The following FAM117A variants were observed in gnomAD, a reference collection of about 807,000 sequenced individuals.
The protein encoded by FAM117A is family with sequence similarity 117 member A, also known as protein FAM117A.
Under a neutral mutation model 44.1 loss-of-function variants are expected in FAM117A, and 21 were observed. That is an observed-to-expected ratio of 0.48 (90% CI 0.34 to 0.69). The LOEUF (loss-of-function observed/expected upper bound fraction) is 0.69, where lower values mean the gene tolerates loss of function less well. Ranked by LOEUF, FAM117A falls within the 30% of genes least tolerant of loss-of-function variation. FAM117A has a pLI of 0.01. For missense variants in FAM117A, 498 were observed against 589.9 expected, an observed-to-expected ratio of 0.84 and a Z score of 1.61; for synonymous variants, 220 against 238.3, an observed-to-expected ratio of 0.92 and a Z score of 0.71.
chr17:49,724,265 G>A (rs1386771564), intron 2 of FAM117A: 4 of 442,588 alleles, frequency 9.0e-6, no homozygotes, highest in African/African-American at 4.0e-5. Flanking sequence ...TCTGCTAATC[G>A]AAGCTGGGCC....
exon 1 of FAM117A, chr17:49,788,539 C>T (rs778723648): frequency 7.7e-6 from 3 of 389,084 alleles, no homozygotes; most frequent in African/African-American, 2.1e-5. Context: ...ACTGGAGTCA[C>T]TTTCTGCCCA....
At chr17:49,714,152 T>C (rs932444659) in intron 7 of FAM117A, among the ~76,000 whole-genome samples, 5 of 152,108 alleles carry the variant, frequency 3.3e-5, no homozygotes, top group Non-Finnish European at 7.4e-5. Flanking sequence ...CCTTGACTCC[T>C]TGCCTGGAAA....
chr17:49,773,648 C>G (rs2143798824), intron 1 of FAM117A, among the ~76,000 whole-genome samples: 1 of 152,190 alleles, frequency 6.6e-6, no homozygotes, highest in East Asian at 1.9e-4. Context: ...CAAATTAGAC[C>G]TCGCTTTCTC....
At chr17:49,743,606 G>A (rs2073643108) in intron 1 of FAM117A, among the ~76,000 whole-genome samples, 1 of 152,126 alleles carries the variant, frequency 6.6e-6, no homozygotes, top group Non-Finnish European at 1.5e-5. Flanking sequence ...GCGGGTGCCT[G>A]TAGTCCCAGC....
chr17:49,722,453 G>C (rs1203182360), intron 3 of FAM117A, 46 bp downstream of exon 3: 7 of 1,514,460 alleles, frequency 4.6e-6, no homozygotes, highest in African/African-American at 1.4e-5. Flanking sequence ...CTAGGGGATC[G>C]AGAAGAAGCC....
At chr17:49,779,591 CCCAT>C (rs2073784166) in intron 1 of FAM117A, among the ~76,000 whole-genome samples, 1 of 152,326 alleles carries the variant, frequency 6.6e-6, no homozygotes, top group East Asian at 1.9e-4. Context: ...ATGTGTACCC[CCCAT>C]TTAAATGGCC....
intron 1 of FAM117A, among the ~76,000 whole-genome samples, chr17:49,778,079 A>T (rs915436635): frequency 3.5e-4 from 54 of 152,360 alleles, no homozygotes; most frequent in Non-Finnish European, 4.1e-4. Context: ...TGGGCCTTGA[A>T]TAGCCCTAAT....
intron 1 of FAM117A, chr17:49,773,496 C>T (rs1387428777): frequency 6.7e-6 from 1 of 150,312 alleles, no homozygotes; most frequent in African/African-American, 2.4e-5. Context: ...AGAAAAATAT[C>T]ATTTATATTG....
In FAM117A at chr17:49,725,289, G is replaced by A. The variant is rs73987380; in HGVS notation, c.367-2695C>T. 2.4e-3 allele frequency among the ~76,000 whole-genome samples: 359 copies of A among 152,316 alleles called. 1 individual carries two copies. The highest frequency in any genetic ancestry group is 8.2e-3 in the African/African-American group (342 of 41,574). On this transcript the variant is annotated intron_variant, in intron 2 of 7. Coordinates refer to ENST00000240364, the MANE Select transcript of FAM117A (RefSeq NM_030802.4). ...CTTGCAGATGGGCTCTGAGTGTACAGCATTCGTGCAATCAACAAATAGTGG... is the reference window on the plus strand; with the variant it reads ...CTTGCAGATGGGCTCTGAGTGTACAACATTCGTGCAATCAACAAATAGTGG...
At chr17:49,720,264 C>G in intron 4 of FAM117A, 62 bp downstream of exon 4, 1 of 1,314,214 alleles carries the variant, frequency 7.6e-7, no homozygotes, top group Non-Finnish European at 1.1e-6. Flanking sequence ...GAAACCTCTG[C>G]CCATATAGGG....
At chr17:49,772,968 A>C (rs1371565378) in intron 1 of FAM117A, among the ~76,000 whole-genome samples, 1 of 152,034 alleles carries the variant, frequency 6.6e-6, no homozygotes, top group Non-Finnish European at 1.5e-5. Context: ...TCAAGAGTTC[A>C]AGACCAGCCT....
chr17:49,744,839 C>T (rs1436666171), intron 1 of FAM117A, among the ~76,000 whole-genome samples: 2 of 151,008 alleles, frequency 1.3e-5, no homozygotes, highest in Non-Finnish European at 3.0e-5. Context: ...TATAAAGAGA[C>T]CAGATCTCTA....
Position 49,711,179 on chromosome 17 carries a change from C to T in FAM117A, c.*76G>A. ...GAGAGGGAAGGGCCCCTCCATACCC[C>T]ATCTCAGGGGACCTGGGGAGGGACC... is the stretch of plus-strand genomic sequence containing the variant. On this transcript the variant is annotated 3_prime_UTR_variant, in exon 8 of 8. Transcript: ENST00000240364. 2 of 1,408,786 alleles carry T rather than the reference C, an allele frequency of 1.4e-6. No homozygotes were observed. The highest frequency in any genetic ancestry group is 1.9e-6 in the Non-Finnish European group (2 of 1,040,708). 87.3% of individuals were successfully genotyped at this position (1,408,786 alleles called of 1,614,324 possible).
rs1236393125 is a variant in FAM117A, at chr17:49,722,515, G to C, written c.446C>G (p.Thr149Arg). The stretch of plus-strand genomic sequence containing the variant: ...GGTAGCTACCTCTTTTCGGTGGTCT[G>C]TGCTGCCCCAGGATGCTGAGCGCTT... ...AHKRSASWGS[T>R]DHRKEISKLK... The change falls in exon 3 of 8, where the codon ACA becomes AGA. Residue 149 changes from threonine (T) to arginine (R), a missense_variant. Transcript: ENST00000240364. 3.1e-6 allele frequency: 5 copies of C among 1,613,872 alleles called. No individual in the cohort carries two copies. In the Admixed American group the frequency reaches 8.3e-5, roughly 27 times the overall value.
At chr17:49,770,755 T>C (rs916451809) in intron 1 of FAM117A, among the ~76,000 whole-genome samples, 3 of 150,046 alleles carry the variant, frequency 2.0e-5, no homozygotes, top group East Asian at 4.0e-4. Flanking sequence ...AATACAACAA[T>C]TAGCCGAGTG....
chr17:49,760,597 T>G (rs1275675207), intron 1 of FAM117A, among the ~76,000 whole-genome samples: 1 of 152,198 alleles, frequency 6.6e-6, no homozygotes, highest in African/African-American at 2.4e-5. Flanking sequence ...AAGGCAGTAT[T>G]TAGCTTCCCT....
Position 49,745,032 on chromosome 17 carries a change from A to AC in FAM117A, c.197-12313_197-12312insG, listed in dbSNP as rs1428042437. ...CTGTCTCAAAAAAAAAAAAAAAAAA[A>AC]ACACACACACACACAAGAAAAAATA... On this transcript the variant is annotated intron_variant, in intron 1 of 7. Transcript: ENST00000240364. Among the ~76,000 whole-genome samples, 67 of 147,464 alleles carry AC rather than the reference A, an allele frequency of 4.5e-4. 1 individual carries two copies. Among genetic ancestry groups the AC allele is most frequent in the Middle Eastern group, 3.6e-3 (1 of 274 alleles).
intron 1 of FAM117A, among the ~76,000 whole-genome samples, chr17:49,748,248 A>G (rs148348935): frequency 6.6e-6 from 1 of 152,350 alleles, no homozygotes; most frequent in East Asian, 1.9e-4. Flanking sequence ...AAACATTGGT[A>G]CATTAATTAC....
At chr17:49,779,383 T>C (rs889134217) in intron 1 of FAM117A, among the ~76,000 whole-genome samples, 1 of 152,230 alleles carries the variant, frequency 6.6e-6, no homozygotes, top group African/African-American at 2.4e-5. Context: ...GGTGTGGCTA[T>C]GCCTGGCTGT....
Sources: allele counts gnomAD v4.1 joint callset (sites outside exome capture counted in the v4.1 genomes callset), GRCh38; gene constraint gnomAD v4.1.1; transcripts MANE v1.5; gene names NCBI Gene and HGNC (gene_info 2026-07-23, HGNC 2026-07-21).